AMOT: variants seen among roughly 807,000 people sequenced by gnomAD.
The protein encoded by AMOT is angiomotin.
A neutral mutation model predicts 67.0 loss-of-function variants in AMOT; 11 were observed. That is an observed-to-expected ratio of 0.16 (90% CI 0.10 to 0.27). AMOT has a LOEUF of 0.27. AMOT is among the 10% of genes least tolerant of loss of function. The pLI, the probability that AMOT is intolerant of heterozygous loss-of-function variation, is 1.00. For missense variants in AMOT, 753 were observed against 852.0 expected (o/e 0.88, Z 1.45); for synonymous variants, 326 against 321.4 (o/e 1.01, Z -0.15).
At position 112,822,745 on chromosome X, in the gene AMOT, C is replaced by G; in HGVS notation, c.382G>C (p.Gly128Arg). 1 of 1,166,938 alleles carries G rather than the reference C, an allele frequency of 8.6e-7. No individual in the cohort carries two copies. Among genetic ancestry groups the G allele is most frequent in the Non-Finnish European group, 1.1e-6 (1 of 872,982 alleles). The change falls in exon 4 of 14, where the codon GGA becomes CGA. Residue 128 changes from glycine (G) to arginine (R), a missense_variant. Transcript: ENST00000371959. Reference protein sequence around the residue: ...YFRGQQHASVGAAFYVTGVTN... With the variant: ...YFRGQQHASVRAAFYVTGVTN... ...ACTCCAGTGACATAGAAGGCAGCTC[C>G]AACACTGGCATGCTGTTGGCCCCGA...
chrX:112,782,381 G>A (rs921777123), intron 11 of AMOT, among the ~76,000 whole-genome samples, 159 bp downstream of exon 11: 23 of 111,977 alleles, frequency 2.1e-4, no homozygotes, highest in Non-Finnish European at 4.1e-4. Context: ...GATTATCAAG[G>A]TAAAGGTCAT....
Position 112,777,998 on chromosome X carries a change from A to G in AMOT, c.*569T>C, listed in dbSNP as rs1459134702. ...GGGGCAGGGTAGCTGGGAAACTGGA[A>G]GAAAAAATTAGCTCCAGTACCCTTC... On this transcript the variant is annotated 3_prime_UTR_variant, in exon 14 of 14. Coordinates refer to ENST00000371959, the MANE Select transcript of AMOT (RefSeq NM_001113490.2). 8.9e-6 allele frequency: 1 copy of G among 112,292 alleles called. No individual in the cohort carries two copies. Among genetic ancestry groups the G allele is most frequent in the Non-Finnish European group, 1.9e-5 (1 of 53,240 alleles). 9.3% of individuals were successfully genotyped at this position (112,292 alleles called of 1,213,427 possible).
rs1368744264 is a variant in AMOT, at chrX:112,791,859, C to T, written c.1899G>A (p.Arg633=). Residue 633 remains arginine (R), a synonymous_variant, in exon 9 of 14, where the codon AGG becomes AGA. Coordinates refer to ENST00000371959, the MANE Select transcript of AMOT (RefSeq NM_001113490.2). ...GCTGGATTCTCAGGGATTCCAGTTCCCTCTCCAGTCGTGTCCGGAGACGGT... is the reference window on the plus strand; with the variant it reads ...GCTGGATTCTCAGGGATTCCAGTTCTCTCTCCAGTCGTGTCCGGAGACGGT... The part of the protein sequence containing the change: ...LEHRLRTRLE[R]ELESLRIQQR... 68 of 1,210,086 alleles carry T rather than the reference C, an allele frequency of 5.6e-5. No individual in the cohort carries two copies. Among genetic ancestry groups the T allele is most frequent in the Non-Finnish European group, 7.0e-5 (63 of 895,204 alleles).
intron 3 of AMOT, among the ~76,000 whole-genome samples, chrX:112,824,153 T>C (rs5973962): frequency 0.23 from 25,664 of 111,213 alleles, 3,387 homozygotes; most frequent in African/African-American, 0.5. Context: ...CTTTTCTTGA[T>C]GTCTATTTTC....
chrX:112,786,788 A>G (rs1416339916), intron 10 of AMOT, among the ~76,000 whole-genome samples: 1 of 112,411 alleles, frequency 8.9e-6, no homozygotes, highest in Non-Finnish European at 1.9e-5. Context: ...TCTTGGGCAA[A>G]TTATCTAAAT....
At chrX:112,838,810 C>A (rs947936455) in intron 1 of AMOT, among the ~76,000 whole-genome samples, 2 of 112,412 alleles carry the variant, frequency 1.8e-5, no homozygotes, top group Non-Finnish European at 3.8e-5. Flanking sequence ...TACAATTTTA[C>A]AAAGCCACGA....
intron 12 of AMOT, chrX:112,780,386 G>A (rs1053390034): frequency 2.6e-5 from 3 of 117,499 alleles, no homozygotes; most frequent in Admixed American, 9.0e-5. Flanking sequence ...GGACAGGAAC[G>A]GAATGAAAAA....
intron 1 of AMOT, among the ~76,000 whole-genome samples, chrX:112,833,129 A>G (rs192474967): frequency 8.9e-6 from 1 of 111,972 alleles, no homozygotes; most frequent in Non-Finnish European, 1.9e-5. Context: ...TGGGCACAGC[A>G]TATGGGAACC....
rs1329288519 is a variant in AMOT at position 112,816,402 on chromosome X, T to C, written c.873-525A>G. Reference sequence around the variant, plus strand: ...CAACTCCCTTTAGTAATTCATACATTCACAAAAAAAAAGAAAAAAAACTAT... The same window carrying C: ...CAACTCCCTTTAGTAATTCATACATCCACAAAAAAAAAGAAAAAAAACTAT... On this transcript the variant is annotated intron_variant, in intron 4 of 13. Transcript: ENST00000371959. 1.4e-4 allele frequency among the ~76,000 whole-genome samples: 15 copies of C among 109,671 alleles called. No individual in the cohort carries two copies. In the Admixed American group the frequency reaches 1.5e-3, roughly 11 times the overall value.
chrX:112,788,720 C>T (rs1933464481), intron 10 of AMOT, among the ~76,000 whole-genome samples: 1 of 111,803 alleles, frequency 8.9e-6, no homozygotes, highest in African/African-American at 3.3e-5. Context: ...GACACACAGT[C>T]GTGATCTGGA....
chrX:112,823,061 C>T lies in AMOT; in HGVS notation c.66G>A (p.Gln22=), dbSNP rs1179132954. The T allele has an allele frequency of 3.4e-6, 4 of 1,165,688 alleles. No homozygotes were observed. Among genetic ancestry groups the T allele is most frequent in the Non-Finnish European group, 4.6e-6 (4 of 872,722 alleles). ...TTVLQRLLQE[Q]LRYGNPSENR... is the part of the protein sequence containing the mutation. Reference sequence around the variant, plus strand: ...TCTCACTAGGATTGCCATAGCGAAGCTGCTCTTGTAGCAAACGCTGCAATA... The same window carrying T: ...TCTCACTAGGATTGCCATAGCGAAGTTGCTCTTGTAGCAAACGCTGCAATA... Residue 22 remains glutamine (Q), a synonymous_variant, in exon 4 of 14, where the codon CAG becomes CAA. Coordinates refer to ENST00000371959, the MANE Select transcript of AMOT (RefSeq NM_001113490.2).
chrX:112,823,141 G>A lies in AMOT; in HGVS notation c.-15C>T. 7 of 1,143,619 alleles carry A rather than the reference G, an allele frequency of 6.1e-6. No homozygotes were observed. The highest frequency in any genetic ancestry group is 8.1e-6 in the Non-Finnish European group (7 of 859,221). 94.2% of individuals were successfully genotyped at this position (1,143,619 alleles called of 1,213,427 possible). A position where few individuals can be genotyped will look rare whatever the true frequency, so the allele number is the denominator to read the frequency against. ...GAATTTCTCATCTCTATTGCTGGTG[G>A]TGCCTTGTGAAGAGAGAGAGAAATT... On this transcript the variant is annotated 5_prime_UTR_variant, in exon 4 of 14. Transcript: ENST00000371959.
At chrX:112,778,926 G>A in intron 13 of AMOT, 71 bp downstream of exon 13, 1 of 1,042,152 alleles carries the variant, frequency 9.6e-7, no homozygotes, top group Middle Eastern at 3.3e-4. Context: ...CCAGACATCA[G>A]ACAACAAGAA....
In AMOT at chrX:112,782,574, T is replaced by A; in HGVS notation, c.2206A>T (p.Met736Leu). The A allele has an allele frequency of 8.3e-7, 1 of 1,211,771 alleles. No individual in the cohort carries two copies. The highest frequency in any genetic ancestry group is 1.1e-6 in the Non-Finnish European group (1 of 895,446). ...RIQKEEEEILMANKRCLDMEG... is the reference protein window; with the variant it reads ...RIQKEEEEILLANKRCLDMEG... ...ATGTCAAGGCAACGCTTATTGGCCA[T>A]CAAGATTTCTTCCTCCTCTTTCTGG... is the stretch of plus-strand genomic sequence containing the variant. Residue 736 changes from methionine to leucine, a missense_variant, in exon 11 of 14, where the codon ATG (methionine) becomes TTG (leucine). By Grantham distance (15) the Met-to-Leu change is conservative (BLOSUM62 2). Coordinates refer to ENST00000371959, the MANE Select transcript of AMOT (RefSeq NM_001113490.2).
At chrX:112,828,835 T>C (rs1363256392) in intron 2 of AMOT, among the ~76,000 whole-genome samples, 3 of 112,677 alleles carry the variant, frequency 2.7e-5, no homozygotes, top group East Asian at 2.8e-4. Flanking sequence ...TTACATAGAA[T>C]TGACCCTGAT....
At chrX:112,791,353 C>T (rs1415699080) in intron 9 of AMOT, among the ~76,000 whole-genome samples, 1 of 110,890 alleles carries the variant, frequency 9.0e-6, no homozygotes, top group African/African-American at 3.3e-5. Context: ...CACGCCACTG[C>T]ACTCAGTCTC....
intron 1 of AMOT, among the ~76,000 whole-genome samples, chrX:112,837,505 T>G (rs771106053): frequency 9.0e-6 from 1 of 111,694 alleles, no homozygotes; most frequent in African/African-American, 3.2e-5. Context: ...TTCTTTCTTT[T>G]TCTTTTTCTT....
At position 112,776,361 on chromosome X, in the gene AMOT, T is replaced by C. The variant is rs907680701; in HGVS notation, c.*2206A>G. The C allele has an allele frequency of 1.8e-5, 2 of 112,575 alleles. No individual in the cohort carries two copies. The highest frequency in any genetic ancestry group is 6.5e-5 in the African/African-American group (2 of 30,971). 9.3% of individuals were successfully genotyped at this position (112,575 alleles called of 1,213,427 possible). On this transcript the variant is annotated 3_prime_UTR_variant, in exon 14 of 14. Coordinates refer to ENST00000371959, the MANE Select transcript of AMOT (RefSeq NM_001113490.2). ...AAGTAGCTCTCCTGAAGTTTGCTAC[T>C]TGCTGCTTCTACTATTTGAGTGTTT...
In AMOT at chrX:112,781,121, A is replaced by G; in HGVS notation, c.2241-3T>C. On this transcript the variant is annotated splice_region_variant and splice_polypyrimidine_tract_variant and intron_variant, in intron 11 of 13. Coordinates refer to ENST00000371959, the MANE Select transcript of AMOT (RefSeq NM_001113490.2). ...TCTGGGCATGGAGGGTCTTAATCCT[A>G]GGAGCCAAAGGCAAAGAACATATAA... is the stretch of plus-strand genomic sequence containing the variant. 8.3e-7 allele frequency: 1 copy of G among 1,203,416 alleles called. No homozygotes were observed. Among genetic ancestry groups the G allele is most frequent in the Non-Finnish European group, 1.1e-6 (1 of 888,183 alleles).
Sources: allele counts gnomAD v4.1 joint callset (sites outside exome capture counted in the v4.1 genomes callset), GRCh38; gene constraint gnomAD v4.1.1; transcripts MANE v1.5; gene names NCBI Gene and HGNC (gene_info 2026-07-23, HGNC 2026-07-21).